PCSK5: variants seen among roughly 807,000 people sequenced by gnomAD.
The protein encoded by PCSK5 is prohormone convertase 5.
A neutral mutation model predicts 233.2 loss-of-function variants in PCSK5; 129 were observed. The observed-to-expected ratio is 0.55, with a 90% CI of 0.48 to 0.64. The LOEUF (loss-of-function observed/expected upper bound fraction) is 0.64, where lower values mean the gene tolerates loss of function less well. PCSK5 is among the 30% of genes least tolerant of loss of function. The pLI is 0.00. For synonymous variants in PCSK5, 825 were observed against 879.2 expected, an observed-to-expected ratio of 0.94 and a Z score of 1.09; for missense variants, 2,076 against 2,430.1, an observed-to-expected ratio of 0.85 and a Z score of 3.06.
chr9:76,351,523 A>AAGAAAG (rs1491173694), intron 36 of PCSK5, among the ~76,000 whole-genome samples: 1 of 74,370 alleles, frequency 1.3e-5, no homozygotes, highest in African/African-American at 4.0e-5. Flanking sequence ...AAAGAAAGAA[A>AAGAAAG]GAAAGAAAGG....
intron 10 of PCSK5, among the ~76,000 whole-genome samples, chr9:76,152,359 A>C (rs963453467): frequency 1.3e-5 from 2 of 152,188 alleles, no homozygotes; most frequent in Admixed American, 1.3e-4. Flanking sequence ...TTTACATTAA[A>C]TACTCAGTAA....
At chr9:76,161,403 C>T (rs1404431803) in intron 12 of PCSK5, among the ~76,000 whole-genome samples, 1 of 151,820 alleles carries the variant, frequency 6.6e-6, no homozygotes, top group Non-Finnish European at 1.5e-5. Context: ...AAAGTCTCTC[C>T]AGCTGTGGTT....
At chr9:76,184,588 A>C (rs911076828) in intron 16 of PCSK5, 85 bp from the exon 17 acceptor site, 7 of 810,224 alleles carry the variant, frequency 8.6e-6, no homozygotes, top group Non-Finnish European at 1.4e-5. Flanking sequence ...ACTGTAGCAT[A>C]CATTAGCAAG....
At chr9:76,320,123 T>C (rs1466460359) in intron 30 of PCSK5, among the ~76,000 whole-genome samples, 2 of 152,082 alleles carry the variant, frequency 1.3e-5, no homozygotes, top group African/African-American at 4.8e-5. Context: ...GCCCAGCTGT[T>C]TTCTCTTTAT....
Position 76,328,200 on chromosome 9 carries a change from G to A in PCSK5, c.4531G>A (p.Asp1511Asn). Residue 1511 changes from aspartate to asparagine, a missense_variant, in exon 33 of 38, where the codon GAC becomes AAC. By Grantham distance (23) the Asp-to-Asn change is conservative (BLOSUM62 1). This residue lies in a region of PCSK5 where 1,510 missense variants were observed against 1,538.1 expected (regional missense o/e 0.98). Transcript: ENST00000674117. ...KCFHCMGPAE[D>N]QCQTCPMNSL... ...CTTCCACTGCATGGGGCCGGCGGAG[G>A]ACCAGTGTCAAACATGCCCCATGAA... 1 of 1,612,826 alleles carries A rather than the reference G, an allele frequency of 6.2e-7. No homozygotes were observed. Among genetic ancestry groups the A allele is most frequent in the Non-Finnish European group, 8.5e-7 (1 of 1,179,852 alleles).
intron 24 of PCSK5, among the ~76,000 whole-genome samples, chr9:76,264,473 C>T (rs1412276703): frequency 6.6e-6 from 1 of 152,012 alleles, no homozygotes; most frequent in East Asian, 1.9e-4. Flanking sequence ...TAATTAAACT[C>T]AAGAACTTCT....
At chr9:76,096,206 C>CACAT in intron 8 of PCSK5, 104 bp downstream of exon 8, 1 of 692,100 alleles carries the variant, frequency 1.4e-6, no homozygotes. Context: ...CACACACACA[C>CACAT]ACACACACAG....
intron 35 of PCSK5, among the ~76,000 whole-genome samples, chr9:76,348,107 C>CA (rs1161226187): frequency 2.6e-5 from 4 of 151,588 alleles, no homozygotes; most frequent in Non-Finnish European, 5.9e-5. Context: ...CTCATCTCTA[C>CA]AAAAAAATAA....
At chr9:76,343,642 C>T (rs1371093548) in intron 35 of PCSK5, among the ~76,000 whole-genome samples, 4 of 152,144 alleles carry the variant, frequency 2.6e-5, no homozygotes, top group African/African-American at 9.7e-5. Flanking sequence ...CTGAACCAAC[C>T]TCACCCACTT....
chr9:76,134,344 T>TTG, intron 10 of PCSK5, 132 bp downstream of exon 10: 2 of 572,040 alleles, frequency 3.5e-6, no homozygotes, highest in Non-Finnish European at 6.0e-6. Context: ...AGCTTGATCT[T>TTG]TTAGTAAATA....
At chr9:76,062,567 G>C (rs1830066565) in intron 5 of PCSK5, among the ~76,000 whole-genome samples, 1 of 152,152 alleles carries the variant, frequency 6.6e-6, no homozygotes, top group African/African-American at 2.4e-5. Context: ...GGTTTATCCA[G>C]ATATTTTCTC....
rs770606199 is a variant in PCSK5, at chr9:76,239,177, C to T, written c.3073+12C>T. ...AGAGTGTGGACAAGGTAAGCCTGCT[C>T]CTGGGCCCTTGCCCAGCACCCGAAC... On this transcript the variant is annotated intron_variant, in intron 23 of 37. Coordinates refer to ENST00000674117, the MANE Select transcript of PCSK5 (RefSeq NM_001372043.1). The T allele has an allele frequency of 6.4e-7, 1 of 1,561,212 alleles. No homozygotes were observed. The highest frequency in any genetic ancestry group is 2.4e-5 in the East Asian group (1 of 41,966).
At chr9:76,003,537 CTT>C (rs1332356872) in intron 3 of PCSK5, among the ~76,000 whole-genome samples, 1 of 152,174 alleles carries the variant, frequency 6.6e-6, no homozygotes, top group Admixed American at 6.5e-5. Context: ...TTTTCTGTCT[CTT>C]TATACACACA....
intron 9 of PCSK5, 101 bp downstream of exon 9, chr9:76,107,452 A>G: frequency 1.6e-6 from 1 of 609,484 alleles, no homozygotes. Context: ...ACAACCTAGA[A>G]TATAATCTTC....
intron 20 of PCSK5, chr9:76,205,248 T>C (rs1194449091): frequency 3.9e-6 from 2 of 518,646 alleles, no homozygotes; most frequent in African/African-American, 3.9e-5. Flanking sequence ...CGCTTCCAGC[T>C]CTGTAGGTGT....
chr9:75,934,209 C>T (rs1823944294), intron 2 of PCSK5, among the ~76,000 whole-genome samples: 1 of 152,116 alleles, frequency 6.6e-6, no homozygotes, highest in Admixed American at 6.5e-5. Context: ...CACTCCCCTG[C>T]CTCCTCAATA....
At chr9:76,114,528 CA>C (rs1832350658) in intron 9 of PCSK5, among the ~76,000 whole-genome samples, 1 of 152,114 alleles carries the variant, frequency 6.6e-6, no homozygotes, top group Non-Finnish European at 1.5e-5. Context: ...CCCTGGTCAA[CA>C]GGCTCATTCA....
intron 9 of PCSK5, among the ~76,000 whole-genome samples, chr9:76,126,140 T>TTTC (rs1325613440): frequency 6.6e-6 from 1 of 151,440 alleles, no homozygotes; most frequent in Non-Finnish European, 1.5e-5. Flanking sequence ...TTGTAATAGA[T>TTTC]TTCTGTTAGT....
intron 24 of PCSK5, among the ~76,000 whole-genome samples, chr9:76,248,818 C>G (rs1826701018): frequency 1.3e-5 from 2 of 152,172 alleles, no homozygotes; most frequent in Admixed American, 1.3e-4. Context: ...CAGGGTCCCC[C>G]TGTCATCCAG....
Sources: allele counts gnomAD v4.1 joint callset (sites outside exome capture counted in the v4.1 genomes callset), GRCh38; gene constraint gnomAD v4.1.1; regional missense constraint gnomAD v4.1.1; transcripts MANE v1.5; gene names NCBI Gene and HGNC (gene_info 2026-07-23, HGNC 2026-07-21).